Variants in KCNQ1 observed in about 807,000 individuals in gnomAD.
KCNQ1 encodes potassium voltage-gated channel subfamily Q member 1.
A neutral mutation model predicts 72.4 loss-of-function variants in KCNQ1; 49 were observed. The observed-to-expected ratio is 0.68, with a 90% CI of 0.54 to 0.86. KCNQ1 has a LOEUF of 0.86. Ranked by LOEUF, KCNQ1 falls within the 40% of genes least tolerant of loss-of-function variation. The pLI, the probability that KCNQ1 is intolerant of heterozygous loss-of-function variation, is 0.00. For missense variants in KCNQ1, 790 were observed against 945.1 expected (o/e 0.84, Z 2.15); for synonymous variants, 450 against 412.6 (o/e 1.09, Z -1.10).
chr11:2,743,027 A>G (rs939497267), intron 11 of KCNQ1, among the ~76,000 whole-genome samples: 1 of 151,846 alleles, frequency 6.6e-6, no homozygotes, highest in Admixed American at 6.5e-5. Flanking sequence ...GCCTGAACCC[A>G]CTCGTGAATT....
At chr11:2,641,359 T>TG (rs1849574077) in intron 10 of KCNQ1, 1 of 398,346 alleles carries the variant, frequency 2.5e-6, no homozygotes, top group Admixed American at 4.4e-5. Flanking sequence ...ACTATGGTTT[T>TG]GGCTTGCATT....
intron 6 of KCNQ1, among the ~76,000 whole-genome samples, chr11:2,577,947 C>A (rs889100292): frequency 3.3e-5 from 5 of 152,184 alleles, no homozygotes; most frequent in Admixed American, 6.5e-5. Context: ...CCTTCATTGG[C>A]CCTGCCCTCT....
intron 10 of KCNQ1, chr11:2,650,630 T>A: frequency 5.0e-6 from 2 of 398,670 alleles, no homozygotes; most frequent in Non-Finnish European, 8.8e-6. Context: ...TTTTTGCTGA[T>A]GTTGCTAACT....
intron 1 of KCNQ1, among the ~76,000 whole-genome samples, chr11:2,525,735 G>T (rs897285579): frequency 6.6e-6 from 1 of 152,220 alleles, no homozygotes; most frequent in Non-Finnish European, 1.5e-5. Flanking sequence ...GCTTTGGGTC[G>T]AATGTCCCAG....
chr11:2,683,969 T>TG lies in KCNQ1; in HGVS notation c.1514+21888_1514+21889insG. The TG allele has an allele frequency of 2.5e-6, 1 of 398,568 alleles. No homozygotes were observed. 24.7% of individuals were successfully genotyped at this position (398,568 alleles called of 1,614,324 possible). On this transcript the variant is annotated intron_variant, in intron 11 of 15. Transcript: ENST00000155840. This position sits in a 1 kb window ranked among gnomAD's most constrained non-coding sequence, Gnocchi z 4.7. ...CAGCTGACTGCTTTTACTTTTTTTT[T>TG]TTTTTCATTTAGAAGAATTTCCTTG...
intron 1 of KCNQ1, among the ~76,000 whole-genome samples, chr11:2,514,541 C>T (rs1016611914): frequency 1.2e-4 from 19 of 152,166 alleles, no homozygotes; most frequent in Non-Finnish European, 2.5e-4. Context: ...CTTGGCCGGG[C>T]GAGGTGGCTC....
At chr11:2,726,232 G>A (rs967453929) in intron 11 of KCNQ1, among the ~76,000 whole-genome samples, 7 of 152,234 alleles carry the variant, frequency 4.6e-5, no homozygotes, top group Admixed American at 2.6e-4. Flanking sequence ...AGCTGAGCTC[G>A]CTCACGAGAT....
chr11:2,510,511 G>T lies in KCNQ1; in HGVS notation c.387-17417G>T, dbSNP rs574946681. Among the ~76,000 whole-genome samples the T allele has an allele frequency of 2.6e-5, 4 of 152,226 alleles. No homozygotes were observed. The South Asian group carries it at 8.3e-4, about 32-fold the overall frequency. On this transcript the variant is annotated intron_variant, in intron 1 of 15. Transcript: ENST00000155840. ...AGTCCCAGCTACCCTGGAGGCTGAG[G>T]TGGGAGGATCACTTGAGCCCAGGAG...
intron 1 of KCNQ1, among the ~76,000 whole-genome samples, chr11:2,448,899 G>A (rs1057262268): frequency 2.0e-5 from 3 of 152,222 alleles, no homozygotes; most frequent in Admixed American, 6.5e-5. Flanking sequence ...TAGTTGGGGG[G>A]AACACAGGCA....
rs999566551 is a variant in KCNQ1 at position 2,723,152 on chromosome 11, C to T, written c.1515-45692C>T. On this transcript the variant is annotated intron_variant, in intron 11 of 15. Transcript: ENST00000155840. This position sits in a 1 kb window ranked among gnomAD's most constrained non-coding sequence, Gnocchi z 4.2. ...TGTGGCTCTGCCTTCCTCTTGGCTCCGCCTTCCTCCGTGGTGGCCTGAGAG... is the reference window on the plus strand; with the variant it reads ...TGTGGCTCTGCCTTCCTCTTGGCTCTGCCTTCCTCCGTGGTGGCCTGAGAG... Among the ~76,000 whole-genome samples, 11 of 152,236 alleles carry T rather than the reference C, an allele frequency of 7.2e-5. No individual in the cohort carries two copies. Among genetic ancestry groups the T allele is most frequent in the South Asian group, 4.1e-4 (2 of 4,834 alleles).
In KCNQ1 at chr11:2,566,389, C is replaced by G. The variant is rs956681573; in HGVS notation, c.478-4239C>G. Among the ~76,000 whole-genome samples, 21 of 152,180 alleles carry G rather than the reference C, an allele frequency of 1.4e-4. No homozygotes were observed. The highest frequency in any genetic ancestry group is 5.1e-4 in the African/African-American group (21 of 41,432). ...AGGACACCTGTACCTTGTCCCGGGG[C>G]GGGGCTCTCTCTGCCATGGACGCCA... On this transcript the variant is annotated intron_variant, in intron 2 of 15. Transcript: ENST00000155840. This position sits in a 1 kb window ranked among gnomAD's most constrained non-coding sequence, Gnocchi z 6.7.
At chr11:2,585,792 T>A (rs1436523922) in intron 8 of KCNQ1, among the ~76,000 whole-genome samples, 1 of 152,032 alleles carries the variant, frequency 6.6e-6, no homozygotes, top group East Asian at 1.9e-4. Context: ...GGCATGGGCC[T>A]CCCTCTGGGC....
chr11:2,806,921 G>A (rs1028408248), intron 15 of KCNQ1, among the ~76,000 whole-genome samples: 2 of 152,158 alleles, frequency 1.3e-5, no homozygotes, highest in South Asian at 2.1e-4. Context: ...CGGCACCACC[G>A]GGACAGCACC....
intron 10 of KCNQ1, chr11:2,616,059 T>G: frequency 2.5e-6 from 1 of 398,196 alleles, no homozygotes; most frequent in Non-Finnish European, 4.4e-6. Context: ...GCTCATAATT[T>G]CAATTTCTGT....
At chr11:2,841,605 C>G (rs923363155) in intron 15 of KCNQ1, among the ~76,000 whole-genome samples, 5 of 152,210 alleles carry the variant, frequency 3.3e-5, no homozygotes, top group Admixed American at 6.5e-5. Context: ...TCTGAGCTCC[C>G]GCTGGGACAC....
chr11:2,502,937 G>A (rs907426861), intron 1 of KCNQ1, among the ~76,000 whole-genome samples: 1 of 152,144 alleles, frequency 6.6e-6, no homozygotes, highest in Non-Finnish European at 1.5e-5. Context: ...ATTGGGAAAT[G>A]GACAGTCTCT....
At chr11:2,805,633 G>A (rs189806998) in intron 15 of KCNQ1, among the ~76,000 whole-genome samples, 1 of 152,302 alleles carries the variant, frequency 6.6e-6, no homozygotes, top group African/African-American at 2.4e-5. Flanking sequence ...AACAGAGATC[G>A]TGTGACCAAC....
intron 11 of KCNQ1, chr11:2,688,817 A>T: frequency 2.5e-6 from 1 of 398,820 alleles, no homozygotes; most frequent in Middle Eastern, 6.3e-4. Flanking sequence ...CACCTGGCCC[A>T]TCCCACAAAG....
intron 15 of KCNQ1, among the ~76,000 whole-genome samples, chr11:2,839,305 G>GC (rs145254979): frequency 0.071 from 10,821 of 152,288 alleles, 1,371 homozygotes; most frequent in African/African-American, 0.25. Flanking sequence ...TGCCACGTGG[G>GC]CCCCCCTGGC....
Sources: allele counts gnomAD v4.1 joint callset (sites outside exome capture counted in the v4.1 genomes callset), GRCh38; gene constraint gnomAD v4.1.1; non-coding constraint Gnocchi (gnomAD v3.1); transcripts MANE v1.5; gene names NCBI Gene and HGNC (gene_info 2026-07-23, HGNC 2026-07-21).